The following TNFRSF10D variants were observed in gnomAD, a reference collection of about 807,000 sequenced individuals.
The protein encoded by TNFRSF10D is tumor necrosis factor receptor superfamily member 10D.
In TNFRSF10D, 28 loss-of-function variants were observed where a neutral mutation model predicts 42.1. The ratio of observed to expected loss-of-function variants is 0.66; its 90% confidence interval spans 0.49 to 0.91. The LOEUF (loss-of-function observed/expected upper bound fraction) is 0.91. Ranked by LOEUF, TNFRSF10D falls within the 40% of genes least tolerant of loss-of-function variation. The probability of loss-of-function intolerance (pLI) is 0.00; values close to 1 mark genes in which losing one functional copy is unlikely to be tolerated. For missense variants in TNFRSF10D, 503 were observed against 486.1 expected, an observed-to-expected ratio of 1.03 and a Z score of -0.33; for synonymous variants, 186 against 189.4, an observed-to-expected ratio of 0.98 and a Z score of 0.15.
intron 2 of TNFRSF10D, 61 bp from the exon 3 acceptor site, chr8:23,148,612 G>C: frequency 3.8e-6 from 5 of 1,318,670 alleles, no homozygotes; most frequent in Non-Finnish European, 5.4e-6. Flanking sequence ...GGCTGACAAT[G>C]GCTGGCAAAT....
chr8:23,163,940 A>C lies in TNFRSF10D; in HGVS notation c.-5T>G. 6.4e-7 allele frequency: 1 copy of C among 1,561,330 alleles called. No individual in the cohort carries two copies. Among genetic ancestry groups the C allele is most frequent in the Non-Finnish European group, 8.6e-7 (1 of 1,159,674 alleles). On this transcript the variant is annotated 5_prime_UTR_variant, in exon 1 of 9. Transcript: ENST00000312584. The stretch of plus-strand genomic sequence containing the variant: ...GCTTTGTCCCCAAAGTCCCATGAGA[A>C]GGGAGGAGGGTGGATCGAAAGCGCC...
chr8:23,143,910 T>G (rs1382156754), intron 7 of TNFRSF10D, among the ~76,000 whole-genome samples: 2 of 152,226 alleles, frequency 1.3e-5, no homozygotes, highest in Non-Finnish European at 2.9e-5. Context: ...ACCTACTCAA[T>G]GTCATATCAA....
chr8:23,147,803 C>G (rs1302782474), intron 3 of TNFRSF10D, among the ~76,000 whole-genome samples: 2 of 152,060 alleles, frequency 1.3e-5, no homozygotes, highest in Non-Finnish European at 2.9e-5. Context: ...TGGCTCATGC[C>G]TGTAAGCCCA....
At chr8:23,151,378 A>G (rs1800210982) in intron 2 of TNFRSF10D, among the ~76,000 whole-genome samples, 1 of 151,948 alleles carries the variant, frequency 6.6e-6, no homozygotes, top group African/African-American at 2.4e-5. Context: ...GTTCATCTTT[A>G]GCATGTATTG....
chr8:23,160,913 A>G (rs1800357972), intron 1 of TNFRSF10D, among the ~76,000 whole-genome samples: 1 of 152,236 alleles, frequency 6.6e-6, no homozygotes, highest in South Asian at 2.1e-4. Flanking sequence ...CTGCAGTGCC[A>G]TCGCTGTCCT....
At chr8:23,144,715 TCCCCAA>T (rs1800089353) in intron 6 of TNFRSF10D, 80 bp from the exon 7 acceptor site, 1 of 1,509,434 alleles carries the variant, frequency 6.6e-7, no homozygotes, top group East Asian at 2.3e-5. Flanking sequence ...GGACCTGCCA[TCCCCAA>T]CCCCTTCCAA....
chr8:23,141,048 A>G (rs1487943701), intron 7 of TNFRSF10D, among the ~76,000 whole-genome samples: 1 of 152,204 alleles, frequency 6.6e-6, no homozygotes, highest in East Asian at 1.9e-4. Flanking sequence ...GTTTAAAGGT[A>G]AGACCATGAA....
chr8:23,144,623 G>T lies in TNFRSF10D; in HGVS notation c.781C>A (p.Arg261=). The T allele has an allele frequency of 1.9e-6, 3 of 1,613,590 alleles. No homozygotes were observed. Among genetic ancestry groups the T allele is most frequent in the Non-Finnish European group, 1.7e-6 (2 of 1,179,686 alleles). ...PERVHRVLFR[R]RSCPSRVPGA... is the part of the protein sequence containing the mutation. ...GGAACTCGTGAAGGACATGAACGCC[G>T]CCGGAAAAGGACCTTGGGAAGACAA... The change falls in exon 7 of 9, where the codon CGG becomes AGG. Residue 261 remains arginine (R), a synonymous_variant. Transcript: ENST00000312584.
chr8:23,146,895 G>A, intron 4 of TNFRSF10D, 66 bp downstream of exon 4: 1 of 1,315,450 alleles, frequency 7.6e-7, no homozygotes, highest in Non-Finnish European at 1.1e-6. Context: ...AGAGATAGAG[G>A]TACCAGGTGA....
chr8:23,150,143 A>G (rs570270772), intron 2 of TNFRSF10D, among the ~76,000 whole-genome samples: 939 of 152,246 alleles, frequency 6.2e-3, no homozygotes, highest in African/African-American at 0.019. Context: ...ACCCACCTCC[A>G]TAGATTCAGC....
At chr8:23,145,192 G>A in intron 5 of TNFRSF10D, 103 bp from the exon 6 acceptor site, 1 of 1,461,002 alleles carries the variant, frequency 6.8e-7, no homozygotes, top group Non-Finnish European at 9.4e-7. Context: ...TGGGACACTG[G>A]ACAAGGAGCC....
intron 4 of TNFRSF10D, among the ~76,000 whole-genome samples, chr8:23,146,425 G>A (rs113387292): frequency 6.1e-3 from 931 of 152,188 alleles, no homozygotes; most frequent in African/African-American, 0.019. Context: ...GTGAGAAATC[G>A]GGGGCCAGGG....
intron 1 of TNFRSF10D, among the ~76,000 whole-genome samples, chr8:23,159,773 G>C (rs1046075573): frequency 6.6e-6 from 1 of 152,184 alleles, no homozygotes; most frequent in African/African-American, 2.4e-5. Flanking sequence ...TGAAGCAGGA[G>C]AATCGCTTGA....
At chr8:23,149,189 CA>C (rs370400558) in intron 2 of TNFRSF10D, among the ~76,000 whole-genome samples, 143 of 85,682 alleles carry the variant, frequency 1.7e-3, no homozygotes, top group African/African-American at 4.7e-3. Context: ...GACTCTGTCT[CA>C]AAAAAAAAAA....
intron 4 of TNFRSF10D, among the ~76,000 whole-genome samples, chr8:23,146,432 A>G (rs1800121234): frequency 1.3e-5 from 2 of 152,188 alleles, no homozygotes; most frequent in African/African-American, 4.8e-5. Flanking sequence ...ATCGGGGGCC[A>G]GGGGTGAGGC....
At position 23,148,966 on chromosome 8, in the gene TNFRSF10D, G is replaced by A. The variant is rs574978432; in HGVS notation, c.257-415C>T. Reference sequence around the variant, plus strand: ...AGTACTTAGGGAGGCCAAGGCGGACGAATCACGAGGTCAGGAGATCGAGAC... The same window carrying A: ...AGTACTTAGGGAGGCCAAGGCGGACAAATCACGAGGTCAGGAGATCGAGAC... On this transcript the variant is annotated intron_variant, in intron 2 of 8. Transcript: ENST00000312584. 3.6e-3 allele frequency among the ~76,000 whole-genome samples: 539 copies of A among 151,610 alleles called. 5 individuals carry two copies. The highest frequency in any genetic ancestry group is 4.3e-3 in the Non-Finnish European group (295 of 67,876).
rs1814338411 is a variant in TNFRSF10D, at chr8:23,136,804, T to A, written c.*1066A>T. On this transcript the variant is annotated 3_prime_UTR_variant, in exon 9 of 9. Transcript: ENST00000312584. ...ACTTATAAATAAATAAATAAATATT[T>A]ATTTATAAATAAATATGGCTATATA... 1 of 151,828 alleles carries A rather than the reference T, an allele frequency of 6.6e-6. No individual in the cohort carries two copies. The highest frequency in any genetic ancestry group is 2.1e-4 in the South Asian group (1 of 4,814). 9.4% of individuals were successfully genotyped at this position (151,828 alleles called of 1,614,324 possible).
intron 2 of TNFRSF10D, among the ~76,000 whole-genome samples, chr8:23,148,787 A>G (rs1299679415): frequency 6.6e-6 from 1 of 151,192 alleles, no homozygotes; most frequent in African/African-American, 2.4e-5. Flanking sequence ...TGAAAGCCAC[A>G]TTAAAATAGT....
At chr8:23,158,586 C>T (rs1372985387) in intron 1 of TNFRSF10D, among the ~76,000 whole-genome samples, 1 of 152,168 alleles carries the variant, frequency 6.6e-6, no homozygotes, top group Admixed American at 6.5e-5. Flanking sequence ...CAAAATAGAC[C>T]TATACGTTTA....
Sources: allele counts gnomAD v4.1 joint callset (sites outside exome capture counted in the v4.1 genomes callset), GRCh38; gene constraint gnomAD v4.1.1; transcripts MANE v1.5; gene names NCBI Gene and HGNC (gene_info 2026-07-23, HGNC 2026-07-21).